SUN5: variants seen among roughly 807,000 people sequenced by gnomAD.
SUN5 encodes the protein SUN domain-containing protein 5.
SUN5 carries 44 observed loss-of-function variants against 53.7 expected under a neutral mutation model. The observed-to-expected ratio is 0.82, with a 90% CI of 0.64 to 1.05. SUN5 has a LOEUF of 1.05. Ranked by LOEUF, SUN5 falls within the 50% of genes least tolerant of loss-of-function variation. SUN5 has a pLI of 0.00. For missense variants in SUN5, 433 were observed against 483.8 expected, an observed-to-expected ratio of 0.90 and a Z score of 0.98; for synonymous variants, 166 against 179.8, an observed-to-expected ratio of 0.92 and a Z score of 0.62.
At chr20:32,990,439 C>T (rs7345591) in intron 8 of SUN5, among the ~76,000 whole-genome samples, 3 of 152,210 alleles carry the variant, frequency 2.0e-5, no homozygotes, top group Non-Finnish European at 4.4e-5. Context: ...CCATTCCAGG[C>T]TCTTCTTTCA....
chr20:32,988,953 T>C (rs1374523628), intron 9 of SUN5, among the ~76,000 whole-genome samples: 2 of 151,298 alleles, frequency 1.3e-5, no homozygotes, highest in East Asian at 3.9e-4. Flanking sequence ...TGAGAAGCAG[T>C]CTCTCTCTGT....
At chr20:32,995,359 C>T (rs1989818590) in intron 8 of SUN5, among the ~76,000 whole-genome samples, 1 of 152,212 alleles carries the variant, frequency 6.6e-6, no homozygotes, top group Non-Finnish European at 1.5e-5. Context: ...GGGCTTCCTT[C>T]AACATTCTCA....
intron 9 of SUN5, among the ~76,000 whole-genome samples, chr20:32,988,188 C>T (rs1989599893): frequency 6.6e-6 from 1 of 152,134 alleles, no homozygotes. Flanking sequence ...AGGGTAAGCG[C>T]TCCCCACGTA....
chr20:32,987,778 G>GT lies in SUN5; in HGVS notation c.614-4dup, dbSNP rs1568963221. ...GTGCTCAAAGTCAATGCTGGCCCCT[G>GT]TATAGGAGAAGGGGGTCTCAGCCAA... On this transcript the variant is annotated splice_region_variant and splice_polypyrimidine_tract_variant and intron_variant, in intron 9 of 12. Transcript: ENST00000356173. The GT allele has an allele frequency of 6.2e-7, 1 of 1,609,916 alleles. No homozygotes were observed. Among genetic ancestry groups the GT allele is most frequent in the African/African-American group, 1.3e-5 (1 of 74,860 alleles).
intron 8 of SUN5, among the ~76,000 whole-genome samples, chr20:32,994,912 G>A (rs1989802549): frequency 6.6e-6 from 1 of 151,784 alleles, no homozygotes; most frequent in East Asian, 1.9e-4. Context: ...ATAAATTGGA[G>A]AGACAGAATG....
chr20:32,984,458 T>C (rs1277411326), intron 12 of SUN5, among the ~76,000 whole-genome samples: 1 of 152,080 alleles, frequency 6.6e-6, no homozygotes, highest in Admixed American at 6.6e-5. Flanking sequence ...ACTCTCCCTA[T>C]CTAGTGTAAA....
At chr20:32,997,928 C>T (rs943041950) in intron 5 of SUN5, among the ~76,000 whole-genome samples, 15 of 152,148 alleles carry the variant, frequency 9.9e-5, no homozygotes, top group African/African-American at 3.6e-4. Context: ...TAAACCAAGT[C>T]ATCTGTGGCT....
chr20:33,004,332 C>T lies in SUN5; in HGVS notation c.9G>A (p.Arg3=), dbSNP rs1197576281. The stretch of plus-strand genomic sequence containing the variant: ...CTGGGTCCCCAGGGCTCCTTGAGGA[C>T]CGTGGCATCGATTTCCTTCTTTAGG... The part of the protein sequence containing the change: MP[R]SSRSPGDPGA... The change falls in exon 1 of 13, where the codon CGG becomes CGA. Residue 3 remains arginine (R), a synonymous_variant. Transcript: ENST00000356173. 6 of 1,565,548 alleles carry T rather than the reference C, an allele frequency of 3.8e-6. No individual in the cohort carries two copies. The highest frequency in any genetic ancestry group is 5.2e-6 in the Non-Finnish European group (6 of 1,154,880).
intron 12 of SUN5, 45 bp from the exon 13 acceptor site, chr20:32,983,994 A>T (rs1568960844): frequency 4.1e-6 from 6 of 1,467,054 alleles, no homozygotes; most frequent in Non-Finnish European, 5.4e-6. Flanking sequence ...ATAGACTCCC[A>T]CCCTGCCTTT....
chr20:32,993,515 C>G (rs1989759885), intron 8 of SUN5, among the ~76,000 whole-genome samples: 1 of 152,194 alleles, frequency 6.6e-6, no homozygotes, highest in African/African-American at 2.4e-5. Flanking sequence ...TGAGGAGCCT[C>G]AAATATGGCC....
At chr20:32,999,783 G>A (rs1989951785) in intron 5 of SUN5, 7 of 828,138 alleles carry the variant, frequency 8.5e-6, no homozygotes, top group African/African-American at 1.7e-5. Flanking sequence ...GCTAAGCTGT[G>A]TTGTGCGAGG....
intron 9 of SUN5, 75 bp from the exon 10 acceptor site, chr20:32,987,850 G>T: frequency 8.3e-7 from 1 of 1,207,072 alleles, no homozygotes; most frequent in South Asian, 1.3e-5. Context: ...GATGGGCCCT[G>T]ACTATGTGCC....
chr20:32,986,809 C>A (rs1339968959), intron 10 of SUN5, among the ~76,000 whole-genome samples: 2 of 152,180 alleles, frequency 1.3e-5, no homozygotes, highest in African/African-American at 4.8e-5. Context: ...CGCCGCGTCC[C>A]CCGCCCCAGC....
At chr20:32,998,216 G>C (rs1989905932) in intron 5 of SUN5, among the ~76,000 whole-genome samples, 1 of 149,208 alleles carries the variant, frequency 6.7e-6, no homozygotes, top group African/African-American at 2.5e-5. Context: ...AATTAGCCCG[G>C]TGTGGTGCAC....
chr20:33,001,287 G>A lies in SUN5; in HGVS notation c.212-9C>T. Reference sequence around the variant, plus strand: ...AAAACAGGTGAACCAGGCTGCACGGGAGACAGAAAAGCAGTGACTCACTAC... The same window carrying A: ...AAAACAGGTGAACCAGGCTGCACGGAAGACAGAAAAGCAGTGACTCACTAC... On this transcript the variant is annotated splice_polypyrimidine_tract_variant and intron_variant, in intron 3 of 12. Transcript: ENST00000356173. 1 of 1,569,104 alleles carries A rather than the reference G, an allele frequency of 6.4e-7. No homozygotes were observed. Among genetic ancestry groups the A allele is most frequent in the Non-Finnish European group, 8.7e-7 (1 of 1,154,844 alleles).
intron 9 of SUN5, among the ~76,000 whole-genome samples, chr20:32,989,057 C>G (rs1989628183): frequency 1.3e-5 from 2 of 152,146 alleles, no homozygotes; most frequent in Non-Finnish European, 2.9e-5. Context: ...TCCCGAGTAG[C>G]TGGGACTACA....
intron 11 of SUN5, 26 bp from the exon 12 acceptor site, chr20:32,985,211 G>A: frequency 6.2e-7 from 1 of 1,610,596 alleles, no homozygotes; most frequent in Non-Finnish European, 8.5e-7. Flanking sequence ...CAAGGTGAAG[G>A]CGTCAGATAC....
intron 12 of SUN5, among the ~76,000 whole-genome samples, chr20:32,984,574 A>G (rs545124673): frequency 6.6e-6 from 1 of 152,364 alleles, no homozygotes; most frequent in South Asian, 2.1e-4. Context: ...AAGCTCACAC[A>G]TAATTTGTGG....
intron 5 of SUN5, among the ~76,000 whole-genome samples, chr20:32,998,661 A>T (rs1252098826): frequency 1.3e-5 from 2 of 152,110 alleles, no homozygotes; most frequent in Admixed American, 1.3e-4. Context: ...TGAGACAGGG[A>T]TGCTTCCTCT....
Sources: allele counts gnomAD v4.1 joint callset (sites outside exome capture counted in the v4.1 genomes callset), GRCh38; gene constraint gnomAD v4.1.1; transcripts MANE v1.5; gene names NCBI Gene and HGNC (gene_info 2026-07-23, HGNC 2026-07-21).